DNAH2: variants seen among roughly 807,000 people sequenced by gnomAD.
DNAH2 encodes the protein dynein axonemal heavy chain 2.
DNAH2 carries 323 observed loss-of-function variants against 523.5 expected under a neutral mutation model. The observed-to-expected ratio is 0.62, with a 90% confidence interval of 0.56 to 0.68. DNAH2 has a LOEUF of 0.68. DNAH2 is among the 30% of genes least tolerant of loss of function. The pLI, the probability that DNAH2 is intolerant of heterozygous loss-of-function variation, is 0.00. For synonymous variants in DNAH2, 2,093 were observed against 2,177.4 expected (o/e 0.96, Z 1.08); for missense variants, 4,907 against 5,701.5 (o/e 0.86, Z 4.49).
At chr17:7,752,396 TAGAC>T (rs2075710486) in intron 12 of DNAH2, among the ~76,000 whole-genome samples, 1 of 152,132 alleles carries the variant, frequency 6.6e-6, no homozygotes, top group African/African-American at 2.4e-5. Context: ...AAACTTGTCA[TAGAC>T]AGAGATATAC....
intron 12 of DNAH2, among the ~76,000 whole-genome samples, chr17:7,751,076 C>A (rs2075668540): frequency 6.6e-6 from 1 of 151,974 alleles, no homozygotes; most frequent in Admixed American, 6.6e-5. Flanking sequence ...TTAAAAAGTG[C>A]AATTTTATTT....
At position 7,734,254 on chromosome 17, in the gene DNAH2, A is replaced by G; in HGVS notation, c.700A>G (p.Met234Val). 3 of 1,607,572 alleles carry G rather than the reference A, an allele frequency of 1.9e-6. No individual in the cohort carries two copies. Among genetic ancestry groups the G allele is most frequent in the Non-Finnish European group, 2.5e-6 (3 of 1,176,890 alleles). ...PAEAMNMKPE[M>V]VIKDKELVQR... ...AGAGGCCATGAACATGAAGCCTGAGATGGTGATAAAGGACAAAGAGCTGGT... is the reference window on the plus strand; with the variant it reads ...AGAGGCCATGAACATGAAGCCTGAGGTGGTGATAAAGGACAAAGAGCTGGT... Residue 234 changes from methionine (M) to valine (V), a missense_variant, in exon 6 of 86, where the codon ATG becomes GTG. Met to Val is a conservative substitution (Grantham distance 21). Coordinates refer to ENST00000572933, the MANE Select transcript of DNAH2 (RefSeq NM_020877.5).
chr17:7,723,207 T>C (rs1420421711), intron 2 of DNAH2, among the ~76,000 whole-genome samples: 5 of 150,150 alleles, frequency 3.3e-5, no homozygotes, highest in African/African-American at 1.2e-4. Context: ...CCTGACCTCA[T>C]GATCCGCCCG....
At chr17:7,816,882 C>T in intron 64 of DNAH2, 147 bp downstream of exon 64, 1 of 1,017,656 alleles carries the variant, frequency 9.8e-7, no homozygotes, top group Non-Finnish European at 1.4e-6. Flanking sequence ...AGCTCTTCCC[C>T]TCCCCCTGCA....
At chr17:7,826,726 A>G (rs1042665850) in intron 77 of DNAH2, among the ~76,000 whole-genome samples, 1 of 151,754 alleles carries the variant, frequency 6.6e-6, no homozygotes, top group East Asian at 1.9e-4. Flanking sequence ...TTTAGTAGAG[A>G]TGGAGTTTCA....
intron 20 of DNAH2, 33 bp downstream of exon 20, chr17:7,764,306 C>G: frequency 3.2e-6 from 5 of 1,567,624 alleles, no homozygotes; most frequent in Non-Finnish European, 4.3e-6. Flanking sequence ...TTACCTGGGA[C>G]CCGTATCAGC....
intron 1 of DNAH2, among the ~76,000 whole-genome samples, chr17:7,719,088 T>C (rs192440578): frequency 6.6e-6 from 1 of 150,524 alleles, no homozygotes; most frequent in African/African-American, 2.4e-5. Context: ...GGGGCAGAGA[T>C]AGAGGTTCTA....
In DNAH2 at chr17:7,778,454, C is replaced by T. The variant is rs1567683670; in HGVS notation, c.5526C>T (p.Tyr1842=). 2 of 1,613,940 alleles carry T rather than the reference C, an allele frequency of 1.2e-6. No homozygotes were observed. Among genetic ancestry groups the T allele is most frequent in the East Asian group, 2.2e-5 (1 of 44,880 alleles). The change falls in exon 35 of 86, where the codon TAC becomes TAT. Residue 1842 remains tyrosine (Y), a synonymous_variant. Transcript: ENST00000572933. ...ACTACAAGTCCATGGGCCGAATGTA[C>T]TCAGGTCTGGCCCAGGTCAGTATCC... ...GLDYKSMGRM[Y]SGLAQTGAWG... is the part of the protein sequence containing the mutation.
In DNAH2 at chr17:7,740,918, C is replaced by T. The variant is rs1400388788; in HGVS notation, c.1615C>T (p.Pro539Ser). Residue 539 changes from proline (P) to serine (S), a missense_variant, in exon 11 of 86, where the codon CCC becomes TCC. By Grantham distance (74) the Pro-to-Ser change is moderately conservative. This residue lies in a region of DNAH2 where 2,806 missense variants were observed against 3,190.8 expected (regional missense o/e 0.88). Coordinates refer to ENST00000572933, the MANE Select transcript of DNAH2 (RefSeq NM_020877.5). ...GAACAAGAAATGGCCAGACCTGGAGCCCTACGTGGCCCAGTATTCCGGAAA... is the reference window on the plus strand; with the variant it reads ...GAACAAGAAATGGCCAGACCTGGAGTCCTACGTGGCCCAGTATTCCGGAAA... ...ERNKKWPDLE[P>S]YVAQYSGKAR... 3.1e-6 allele frequency: 5 copies of T among 1,613,660 alleles called. No homozygotes were observed. In the African/African-American group the frequency reaches 5.3e-5, roughly 17 times the overall value.
chr17:7,723,268 C>CTTTTTTTTTTTTTT (rs58689789), intron 2 of DNAH2, among the ~76,000 whole-genome samples: 1 of 59,914 alleles, frequency 1.7e-5, no homozygotes, highest in African/African-American at 8.3e-5. Flanking sequence ...CTGTACCCGG[C>CTTTTTTTTTTTTTT]TTTTTTTTTT....
chr17:7,823,830 C>G lies in DNAH2; in HGVS notation c.11330-4C>G, dbSNP rs930788272. ...CTCCCTGCAATGACTCACCTCATCC[C>G]CAGGTGAGTGGGAAAATGCCTGCAA... On this transcript the variant is annotated splice_region_variant and splice_polypyrimidine_tract_variant and intron_variant, in intron 74 of 85. Transcript: ENST00000572933. The G allele has an allele frequency of 8.1e-6, 13 of 1,613,904 alleles. No homozygotes were observed. Among genetic ancestry groups the G allele is most frequent in the Non-Finnish European group, 1.0e-5 (12 of 1,179,858 alleles).
Position 7,798,558 on chromosome 17 carries a change from A to G in DNAH2, c.8399A>G (p.Asp2800Gly). The G allele has an allele frequency of 1.9e-6, 3 of 1,613,978 alleles. No individual in the cohort carries two copies. Among genetic ancestry groups the G allele is most frequent in the Non-Finnish European group, 2.5e-6 (3 of 1,179,998 alleles). The change falls in exon 55 of 86, where the codon GAT (aspartate) becomes GGT (glycine). Residue 2800 changes from aspartate to glycine, a missense_variant and splice_region_variant. Asp to Gly is a moderately conservative substitution (Grantham distance 94, BLOSUM62 -1). Transcript: ENST00000572933. The surrounding 1 kb of genome is among the most constrained non-coding windows in gnomAD (Gnocchi z 5.5). ...KHYRKQEFRD[D>G]IKRLYRQAGV... ...TGTCCTCCTTCCCTCCCCCGGCCAG[A>G]TATCAAGCGTCTGTATCGCCAGGCT...
At position 7,780,257 on chromosome 17, in the gene DNAH2, C is replaced by T; in HGVS notation, c.5823C>T (p.Leu1941=). Residue 1941 remains leucine (L), a synonymous_variant, in exon 37 of 86, where the codon CTC becomes CTT. Coordinates refer to ENST00000572933, the MANE Select transcript of DNAH2 (RefSeq NM_020877.5). This position sits in a 1 kb window ranked among gnomAD's most constrained non-coding sequence, Gnocchi z 4.4. Reference sequence around the variant, plus strand: ...CCACCCTCATTGCAGAAATCATTCTCTTTGGAGAGGGCTTTGGCAACTGCA... The same window carrying T: ...CCACCCTCATTGCAGAAATCATTCTTTTTGGAGAGGGCTTTGGCAACTGCA... ...PDSTLIAEII[L]FGEGFGNCKI... 2 of 1,614,162 alleles carry T rather than the reference C, an allele frequency of 1.2e-6. No individual in the cohort carries two copies. Among genetic ancestry groups the T allele is most frequent in the Non-Finnish European group, 8.5e-7 (1 of 1,180,034 alleles).
intron 61 of DNAH2, among the ~76,000 whole-genome samples, chr17:7,806,032 T>C (rs2077358178): frequency 6.6e-6 from 1 of 152,234 alleles, no homozygotes; most frequent in East Asian, 1.9e-4. Context: ...AAACAGCTCA[T>C]CTTAATACTG....
chr17:7,719,692 G>A (rs1280593824), intron 1 of DNAH2, 29 bp from the exon 2 acceptor site: 4 of 1,613,708 alleles, frequency 2.5e-6, no homozygotes, highest in Admixed American at 1.7e-5. Context: ...GTATCTGCTT[G>A]TAGACTCTCC....
chr17:7,734,126 C>T (rs1044388691), intron 5 of DNAH2, 57 bp from the exon 6 acceptor site: 79 of 1,462,194 alleles, frequency 5.4e-5, no homozygotes, highest in Middle Eastern at 1.7e-4. Context: ...GTGATTCCTA[C>T]GGGGCCAGCA....
Position 7,832,974 on chromosome 17 carries a change from G to A in DNAH2, c.12978+46G>A, listed in dbSNP as rs373156913. On this transcript the variant is annotated intron_variant, in intron 84 of 85. Coordinates refer to ENST00000572933, the MANE Select transcript of DNAH2 (RefSeq NM_020877.5). The surrounding 1 kb of genome is among the most constrained non-coding windows in gnomAD (Gnocchi z 4.3). ...GGGCTCTGAGCAAAAGAGGGTACTG[G>A]AAATAATTGGACGAAAAGGGAGGAG... The A allele has an allele frequency of 8.7e-5, 141 of 1,613,834 alleles. No homozygotes were observed. Among genetic ancestry groups the A allele is most frequent in the African/African-American group, 1.5e-4 (11 of 74,906 alleles).
chr17:7,726,828 A>G (rs2074827833), intron 3 of DNAH2, among the ~76,000 whole-genome samples: 1 of 152,176 alleles, frequency 6.6e-6, no homozygotes, highest in Non-Finnish European at 1.5e-5. Context: ...TCGAGGGCTG[A>G]CATTTTTAAA....
At chr17:7,726,592 C>T (rs1199201608) in intron 3 of DNAH2, among the ~76,000 whole-genome samples, 6 of 152,262 alleles carry the variant, frequency 3.9e-5, no homozygotes, top group South Asian at 2.1e-4. Context: ...TGTGAGCCAC[C>T]GCGCCCAGCC....
Sources: allele counts gnomAD v4.1 joint callset (sites outside exome capture counted in the v4.1 genomes callset), GRCh38; gene constraint gnomAD v4.1.1; regional missense constraint gnomAD v4.1.1; non-coding constraint Gnocchi (gnomAD v3.1); transcripts MANE v1.5; gene names NCBI Gene and HGNC (gene_info 2026-07-23, HGNC 2026-07-21).